Variants in RAB11A observed in about 807,000 individuals in gnomAD.
RAB11A encodes the protein RAB11A, member RAS oncogene family, also known as ras-related protein Rab-11A.
A neutral mutation model predicts 28.0 loss-of-function variants in RAB11A; 9 were observed. The ratio of observed to expected loss-of-function variants is 0.32; its 90% CI spans 0.19 to 0.56. The LOEUF (loss-of-function observed/expected upper bound fraction) is 0.56, where lower values mean the gene tolerates loss of function less well. RAB11A is among the 20% of genes least tolerant of loss of function. The probability of loss-of-function intolerance (pLI) is 0.91; values close to 1 mark genes in which losing one functional copy is unlikely to be tolerated. For synonymous variants in RAB11A, 85 were observed against 88.2 expected (o/e 0.96, Z 0.20); for missense variants, 108 against 269.6 (o/e 0.40, Z 4.20).
At chr15:65,873,769 T>C (rs1279598701) in intron 1 of RAB11A, among the ~76,000 whole-genome samples, 1 of 152,004 alleles carries the variant, frequency 6.6e-6, no homozygotes, top group African/African-American at 2.4e-5. Flanking sequence ...ATTTTCTTTT[T>C]TGTAGAGATA....
chr15:65,884,770 A>G (rs936723441), intron 4 of RAB11A, among the ~76,000 whole-genome samples: 7 of 151,596 alleles, frequency 4.6e-5, no homozygotes, highest in Non-Finnish European at 7.4e-5. Flanking sequence ...AAAAAAAAAA[A>G]AAACCAAACC....
chr15:65,877,217 C>T lies in RAB11A; in HGVS notation c.41-115C>T, dbSNP rs576256509. 5.9e-5 allele frequency: 50 copies of T among 846,008 alleles called. No homozygotes were observed. The African/African-American group carries it at 6.9e-4, about 12-fold the overall frequency. 52.4% of individuals were successfully genotyped at this position (846,008 alleles called of 1,614,324 possible). ...CCCATTCCTTTTTAAAAGTCATATA[C>T]CTTATTTTTCTTGCTTTATTTACTC... On this transcript the variant is annotated intron_variant, in intron 1 of 4. Coordinates refer to ENST00000261890, the MANE Select transcript of RAB11A (RefSeq NM_004663.5). This position sits in a 1 kb window ranked among gnomAD's most constrained non-coding sequence, Gnocchi z 4.1.
chr15:65,886,785 A>T (rs74021899), intron 4 of RAB11A, among the ~76,000 whole-genome samples: 28 of 152,380 alleles, frequency 1.8e-4, no homozygotes, highest in African/African-American at 6.5e-4. Flanking sequence ...TGATCCTTAC[A>T]GAGTTTAACA....
At chr15:65,881,163 A>G (rs538892021) in intron 4 of RAB11A, among the ~76,000 whole-genome samples, 19 of 152,336 alleles carry the variant, frequency 1.2e-4, no homozygotes, top group Non-Finnish European at 2.5e-4. Flanking sequence ...AGTCTTTGGA[A>G]CACAGTAGCT....
At chr15:65,882,374 T>C (rs1469217694) in intron 4 of RAB11A, among the ~76,000 whole-genome samples, 1 of 152,258 alleles carries the variant, frequency 6.6e-6, no homozygotes, top group East Asian at 1.9e-4. Flanking sequence ...AGACTCTTTA[T>C]TGCACTTGAT....
Position 65,875,488 on chromosome 15 carries a change from G to C in RAB11A, c.41-1844G>C, listed in dbSNP as rs559863697. The stretch of plus-strand genomic sequence containing the variant: ...CATCCTATAAAATTGAAAGTGCATT[G>C]CTTTTGTACATCACTTTAATAACTT... On this transcript the variant is annotated intron_variant, in intron 1 of 4. Transcript: ENST00000261890. Among the ~76,000 whole-genome samples, 159 of 152,242 alleles carry C rather than the reference G, an allele frequency of 1.0e-3. 4 individuals carry two copies. In the South Asian group the frequency reaches 0.033, roughly 31 times the overall value.
rs532204601 is a variant in RAB11A, at chr15:65,888,388, TTTG to T, written c.*551_*553del. 2.0e-5 allele frequency: 3 copies of T among 152,764 alleles called. No individual in the cohort carries two copies. In the East Asian group the frequency reaches 5.8e-4, roughly 29 times the overall value. The allele number at this position is 152,764 out of a possible 1,614,324, so 9.5% of individuals were successfully genotyped here. ...AATAGGTTTATGTAGTTGAGTAAAT[TTTG>T]TTTTTTAATTTTTGTAAGCATCAAA... On this transcript the variant is annotated 3_prime_UTR_variant, in exon 5 of 5. Coordinates refer to ENST00000261890, the MANE Select transcript of RAB11A (RefSeq NM_004663.5).
At position 65,880,056 on chromosome 15, in the gene RAB11A, A is replaced by G. The variant is rs2078213086; in HGVS notation, c.511+305A>G. ...CAAAGTAATGTTTAAATGTACTTTT[A>G]TGAGGTAAATATTGAGATCCCAGCT... is the stretch of plus-strand genomic sequence containing the variant. On this transcript the variant is annotated intron_variant, in intron 4 of 4. Coordinates refer to ENST00000261890, the MANE Select transcript of RAB11A (RefSeq NM_004663.5). Among the ~76,000 whole-genome samples, 3 of 152,340 alleles carry G rather than the reference A, an allele frequency of 2.0e-5. No individual in the cohort carries two copies. In the South Asian group the frequency reaches 6.2e-4, roughly 32 times the overall value.
At chr15:65,885,506 A>T (rs2078250896) in intron 4 of RAB11A, among the ~76,000 whole-genome samples, 1 of 152,108 alleles carries the variant, frequency 6.6e-6, no homozygotes, top group Non-Finnish European at 1.5e-5. Flanking sequence ...TTTGTTTTTT[A>T]ATTAAAAAAT....
chr15:65,888,040 G>T lies in RAB11A; in HGVS notation c.*200G>T. 2.1e-6 allele frequency: 1 copy of T among 471,692 alleles called. No homozygotes were observed. Among genetic ancestry groups the T allele is most frequent in the East Asian group, 3.7e-5 (1 of 27,332 alleles). 29.2% of individuals were successfully genotyped at this position (471,692 alleles called of 1,614,324 possible). A position where few individuals can be genotyped will look rare whatever the true frequency, so the allele number is the denominator to read the frequency against. On this transcript the variant is annotated 3_prime_UTR_variant, in exon 5 of 5. Transcript: ENST00000261890. ...GACTGCAGCTTTTTTTCATGCTATG[G>T]CTTCACTAGCCTTAGTTTAATAAAC...
chr15:65,869,760 C>G, intron 1 of RAB11A, 135 bp downstream of exon 1: 2 of 944,410 alleles, frequency 2.1e-6, no homozygotes, highest in Non-Finnish European at 3.0e-6. Context: ...GGTTCCGTCT[C>G]CTACCCAGCT....
intron 4 of RAB11A, among the ~76,000 whole-genome samples, chr15:65,884,707 G>A (rs1045452916): frequency 2.0e-4 from 30 of 151,404 alleles, no homozygotes; most frequent in Middle Eastern, 3.4e-3. Context: ...GGCTTTAAGA[G>A]GTTCCACAAG....
At position 65,869,553 on chromosome 15, in the gene RAB11A, G is replaced by A; in HGVS notation, c.-33G>A. ...GCCCCCTGGTCCCACAGATACCACT[G>A]CTGCTCCCGCCCTTTCGCTCCTCGG... is the stretch of plus-strand genomic sequence containing the variant. On this transcript the variant is annotated 5_prime_UTR_variant, in exon 1 of 5. Coordinates refer to ENST00000261890, the MANE Select transcript of RAB11A (RefSeq NM_004663.5). The A allele has an allele frequency of 1.2e-6, 2 of 1,607,398 alleles. No homozygotes were observed. The highest frequency in any genetic ancestry group is 1.7e-6 in the Non-Finnish European group (2 of 1,178,816).
intron 4 of RAB11A, among the ~76,000 whole-genome samples, chr15:65,887,046 G>T (rs762660738): frequency 5.3e-5 from 8 of 151,920 alleles, no homozygotes; most frequent in Non-Finnish European, 8.8e-5. Context: ...TTTTTTGTGT[G>T]GTACAATGTC....
At position 65,877,592 on chromosome 15, in the gene RAB11A, G is replaced by C; in HGVS notation, c.236+65G>C. 1 of 1,490,690 alleles carries C rather than the reference G, an allele frequency of 6.7e-7. No individual in the cohort carries two copies. Among genetic ancestry groups the C allele is most frequent in the South Asian group, 1.3e-5 (1 of 77,600 alleles). The allele number at this position is 1,490,690 out of a possible 1,614,324, so 92.3% of individuals were successfully genotyped here. A position where few individuals can be genotyped will look rare whatever the true frequency, so the allele number is the denominator to read the frequency against. On this transcript the variant is annotated intron_variant, in intron 2 of 4. Coordinates refer to ENST00000261890, the MANE Select transcript of RAB11A (RefSeq NM_004663.5). The surrounding 1 kb of genome is among the most constrained non-coding windows in gnomAD (Gnocchi z 4.1). ...CATCGAGTGAATTAGCTGACTTTTG[G>C]TATTGGAAAAAGAACTGTTGTTTTT... is the stretch of plus-strand genomic sequence containing the variant.
intron 1 of RAB11A, among the ~76,000 whole-genome samples, chr15:65,874,833 C>A (rs550741408): frequency 6.6e-6 from 1 of 151,894 alleles, no homozygotes; most frequent in African/African-American, 2.4e-5. Flanking sequence ...ATCTTTTGAG[C>A]CCTGGAGTTT....
intron 1 of RAB11A, among the ~76,000 whole-genome samples, chr15:65,876,559 A>G (rs999895604): frequency 1.3e-5 from 2 of 152,070 alleles, no homozygotes; most frequent in Non-Finnish European, 2.9e-5. Flanking sequence ...GGCCTTCCAA[A>G]ATGCTGGGAT....
At position 65,883,458 on chromosome 15, in the gene RAB11A, T is replaced by C. The variant is rs568695412; in HGVS notation, c.511+3707T>C. Among the ~76,000 whole-genome samples, 4 of 152,356 alleles carry C rather than the reference T, an allele frequency of 2.6e-5. No homozygotes were observed. In the South Asian group the frequency reaches 6.2e-4, roughly 24 times the overall value. The stretch of plus-strand genomic sequence containing the variant: ...CCACAGAAGTGTTCTCAGTGCATCA[T>C]ATCAGCAGGTTTGTGATAATTGGAT... On this transcript the variant is annotated intron_variant, in intron 4 of 4. Coordinates refer to ENST00000261890, the MANE Select transcript of RAB11A (RefSeq NM_004663.5).
chr15:65,879,942 C>T (rs1366413998), intron 4 of RAB11A, among the ~76,000 whole-genome samples, 191 bp downstream of exon 4: 2 of 152,200 alleles, frequency 1.3e-5, no homozygotes, highest in Admixed American at 6.5e-5. Context: ...TGTCCTAATT[C>T]ATCTGATTTA....
Sources: allele counts gnomAD v4.1 joint callset (sites outside exome capture counted in the v4.1 genomes callset), GRCh38; gene constraint gnomAD v4.1.1; non-coding constraint Gnocchi (gnomAD v3.1); transcripts MANE v1.5; gene names NCBI Gene and HGNC (gene_info 2026-07-23, HGNC 2026-07-21).